The following PRDM15 variants were observed in gnomAD, a reference collection of about 807,000 sequenced individuals.
PRDM15 encodes the protein PR/SET domain 15.
PRDM15 carries 64 observed loss-of-function variants against 128.6 expected under a neutral mutation model. That is an observed-to-expected ratio of 0.50 (90% CI 0.41 to 0.61). The LOEUF (loss-of-function observed/expected upper bound fraction) is 0.61, where lower values mean the gene tolerates loss of function less well. Among genes scored for constraint, PRDM15 ranks in the 20% least tolerant of loss-of-function variants. The probability of loss-of-function intolerance (pLI) is 0.00; values close to 1 mark genes in which losing one functional copy is unlikely to be tolerated. For missense variants in PRDM15, 1,242 were observed against 1,569.1 expected (o/e 0.79, Z 3.52); for synonymous variants, 615 against 621.8 (o/e 0.99, Z 0.16).
At chr21:41,842,027 G>A (rs2063088451) in intron 6 of PRDM15, among the ~76,000 whole-genome samples, 1 of 152,160 alleles carries the variant, frequency 6.6e-6, no homozygotes, top group African/African-American at 2.4e-5. Context: ...AAAGTAATGA[G>A]TTAAGCATCC....
In PRDM15 at chr21:41,870,715, A is replaced by C. The variant is rs565476082; in HGVS notation, c.-10+8555T>G. ...TGTGTTCTGTCCAGCAGGTGCCCGA[A>C]TTTATTTGGGCAAAGAGCACCTTTT... On this transcript the variant is annotated intron_variant, in intron 1 of 23. Coordinates refer to ENST00000398548, the MANE Select transcript of PRDM15 (RefSeq NM_001040424.3). 3 of 152,316 alleles carry C rather than the reference A, an allele frequency of 2.0e-5. No individual in the cohort carries two copies. The South Asian group carries it at 6.2e-4, about 32-fold the overall frequency. 9.4% of individuals were successfully genotyped at this position (152,316 alleles called of 1,614,324 possible).
chr21:41,867,558 C>T lies in PRDM15; in HGVS notation c.-9-7186G>A, dbSNP rs571476855. Reference sequence around the variant, plus strand: ...TCCTGGGCACAAGCGACCCTCCTGCCGCAGCCTCCGCATAGCTGGGAGTAC... The same window carrying T: ...TCCTGGGCACAAGCGACCCTCCTGCTGCAGCCTCCGCATAGCTGGGAGTAC... On this transcript the variant is annotated intron_variant, in intron 1 of 23. Coordinates refer to ENST00000398548, the MANE Select transcript of PRDM15 (RefSeq NM_001040424.3). 7.2e-5 allele frequency among the ~76,000 whole-genome samples: 11 copies of T among 152,298 alleles called. 1 individual carries two copies. Among genetic ancestry groups the T allele is most frequent in the Middle Eastern group, 3.4e-3 (1 of 294 alleles).
chr21:41,823,861 T>C (rs2062373331), intron 13 of PRDM15, among the ~76,000 whole-genome samples: 1 of 152,254 alleles, frequency 6.6e-6, no homozygotes. Context: ...CTGTGTTTAA[T>C]GCACATTCCC....
At position 41,859,106 on chromosome 21, in the gene PRDM15, C is replaced by T. The variant is rs145687812; in HGVS notation, c.131+486G>A. Reference sequence around the variant, plus strand: ...GCAGGGCAGCTGCTGCCCACTGAGCCGCCTCACCAGGCCTGCAGGGACTGC... The same window carrying T: ...GCAGGGCAGCTGCTGCCCACTGAGCTGCCTCACCAGGCCTGCAGGGACTGC... On this transcript the variant is annotated intron_variant, in intron 3 of 23. Coordinates refer to ENST00000398548, the MANE Select transcript of PRDM15 (RefSeq NM_001040424.3). This position sits in a 1 kb window ranked among gnomAD's most constrained non-coding sequence, Gnocchi z 5.3. The T allele has an allele frequency of 1.7e-5, 27 of 1,601,010 alleles. No homozygotes were observed. Among genetic ancestry groups the T allele is most frequent in the Middle Eastern group, 1.7e-4 (1 of 5,942 alleles).
intron 22 of PRDM15, chr21:41,803,175 T>C (rs568015877): frequency 1.1e-5 from 6 of 536,604 alleles, no homozygotes; most frequent in African/African-American, 1.9e-5. Context: ...TATGCTAAAA[T>C]GTAAACACTT....
At chr21:41,851,570 C>T (rs931749781) in intron 5 of PRDM15, among the ~76,000 whole-genome samples, 2 of 152,046 alleles carry the variant, frequency 1.3e-5, no homozygotes, top group African/African-American at 4.8e-5. Context: ...GTGGCGGGGG[C>T]GCTGACGCGG....
rs568665370 is a variant in PRDM15 at position 41,847,162 on chromosome 21, C to T, written c.568G>A (p.Val190Met). 45 of 1,553,894 alleles carry T rather than the reference C, an allele frequency of 2.9e-5. No individual in the cohort carries two copies. Among genetic ancestry groups the T allele is most frequent in the South Asian group, 1.1e-4 (9 of 84,212 alleles). ...GCCCACTGGCTGGGCTCCGACTCCA[C>T]GGGGGCGCTGTTTTCTGGGGTGCCT... is the stretch of plus-strand genomic sequence containing the variant. ...AAGTPENSAP[V>M]ESEPSQWACK... The change falls in exon 6 of 24, where the codon GTG becomes ATG. Residue 190 changes from valine to methionine, a missense_variant. Physicochemically the swap from Val to Met is conservative, Grantham distance 21 (BLOSUM62 1). Around this residue, in one of 3 missense-constraint regions of PRDM15, gnomAD observed 612 missense variants for 717.0 expected, o/e 0.85. Transcript: ENST00000398548.
chr21:41,861,832 C>T, intron 1 of PRDM15: 4 of 1,580,890 alleles, frequency 2.5e-6, no homozygotes, highest in Non-Finnish European at 3.5e-6. Context: ...AAAGAGAGTT[C>T]CAATTTGCCC....
Position 41,859,018 on chromosome 21 carries a change from T to C in PRDM15, c.131+574A>G. 1.3e-6 allele frequency: 2 copies of C among 1,543,594 alleles called. No homozygotes were observed. Among genetic ancestry groups the C allele is most frequent in the Non-Finnish European group, 1.8e-6 (2 of 1,142,002 alleles). On this transcript the variant is annotated intron_variant, in intron 3 of 23. Coordinates refer to ENST00000398548, the MANE Select transcript of PRDM15 (RefSeq NM_001040424.3). The surrounding 1 kb of genome is among the most constrained non-coding windows in gnomAD (Gnocchi z 5.3). ...CACCGAGGTCCGGAGAGGAGTGCCTTGTCCAAGCTCACCTGCCCTGGGCCA... is the reference window on the plus strand; with the variant it reads ...CACCGAGGTCCGGAGAGGAGTGCCTCGTCCAAGCTCACCTGCCCTGGGCCA...
intron 11 of PRDM15, among the ~76,000 whole-genome samples, chr21:41,831,016 TCCTC>T (rs1238412238): frequency 6.6e-6 from 1 of 152,208 alleles, no homozygotes; most frequent in African/African-American, 2.4e-5. Context: ...AGCTGCATTC[TCCTC>T]CCTGTGTCGC....
rs1568880158 is a variant in PRDM15, at chr21:41,806,054, CCACCAT to C, written c.2653-1446_2653-1441del. Among the ~76,000 whole-genome samples the C allele has an allele frequency of 6.9e-3, 479 of 69,656 alleles. 13 individuals are homozygous for C. The highest frequency in any genetic ancestry group is 0.027 in the African/African-American group (436 of 16,060). The allele number at this position is 69,656 out of a possible 152,430, so 45.7% of individuals were successfully genotyped here. A position where few individuals can be genotyped will look rare whatever the true frequency, so the allele number is the denominator to read the frequency against. On this transcript the variant is annotated intron_variant, in intron 21 of 23. Transcript: ENST00000398548. ...ACCATCACCACCACCATCACCACCACCACCATCACCATCACCACCACCATCACCACC... is the reference window on the plus strand; with the variant it reads ...ACCATCACCACCACCATCACCACCACCACCATCACCACCACCATCACCACC...
rs752147187 is a variant in PRDM15 at position 41,823,138 on chromosome 21, G to A, written c.1761+180C>T. The A allele has an allele frequency of 9.0e-6, 7 of 779,930 alleles. No homozygotes were observed. In the East Asian group the frequency reaches 1.4e-4, roughly 16 times the overall value. 48.3% of individuals were successfully genotyped at this position (779,930 alleles called of 1,614,324 possible). A position where few individuals can be genotyped will look rare whatever the true frequency, so the allele number is the denominator to read the frequency against. ...AGGCGCCGTCTACGAACCAGGAAGTGAGCCTCGCCAGACACCGAATCTATG... is the reference window on the plus strand; with the variant it reads ...AGGCGCCGTCTACGAACCAGGAAGTAAGCCTCGCCAGACACCGAATCTATG... On this transcript the variant is annotated intron_variant, in intron 14 of 23. Transcript: ENST00000398548.
intron 21 of PRDM15, among the ~76,000 whole-genome samples, chr21:41,807,263 C>CAT (rs1441109205): frequency 6.6e-6 from 1 of 152,140 alleles, no homozygotes; most frequent in African/African-American, 2.4e-5. Context: ...AGAGAAAAAC[C>CAT]ATAGCTTGGA....
intron 9 of PRDM15, 29 bp downstream of exon 9, chr21:41,836,439 C>T (rs529421658): frequency 6.3e-6 from 10 of 1,593,708 alleles, no homozygotes; most frequent in South Asian, 2.2e-5. Context: ...GCCCTGGCCC[C>T]GGGCGCCAGC....
At chr21:41,870,300 G>T (rs1310430663) in intron 1 of PRDM15, among the ~76,000 whole-genome samples, 1 of 152,062 alleles carries the variant, frequency 6.6e-6, no homozygotes, top group Non-Finnish European at 1.5e-5. Flanking sequence ...CTAAGCCTTA[G>T]CAATCCAGTG....
intron 1 of PRDM15, among the ~76,000 whole-genome samples, chr21:41,866,027 C>T (rs935516742): frequency 3.9e-4 from 60 of 152,262 alleles, no homozygotes; most frequent in African/African-American, 1.4e-3. Flanking sequence ...AGGTATGAGA[C>T]CCCACGCCCA....
chr21:41,838,148 G>A, intron 7 of PRDM15, 85 bp from the exon 8 acceptor site: 1 of 1,454,044 alleles, frequency 6.9e-7, no homozygotes, highest in Non-Finnish European at 9.5e-7. Context: ...CTGCCCCATG[G>A]GAACCACAGC....
At chr21:41,844,850 G>A (rs1243456462) in intron 6 of PRDM15, among the ~76,000 whole-genome samples, 2 of 7,044 alleles carry the variant, frequency 2.8e-4, no homozygotes, top group African/African-American at 1.4e-3. Flanking sequence ...CCCCTCACAG[G>A]GACACACAGC....
In PRDM15 at chr21:41,821,301, G is replaced by A. The variant is rs1000664066; in HGVS notation, c.1897-71C>T. On this transcript the variant is annotated intron_variant, in intron 15 of 23. Transcript: ENST00000398548. The surrounding 1 kb of genome is among the most constrained non-coding windows in gnomAD (Gnocchi z 5.4). Reference sequence around the variant, plus strand: ...CCTGGTCCTCTTAGCTAATGAGGTCGTGTCCACAAACCAGGGCACCCGACA... The same window carrying A: ...CCTGGTCCTCTTAGCTAATGAGGTCATGTCCACAAACCAGGGCACCCGACA... The A allele has an allele frequency of 5.5e-5, 86 of 1,575,292 alleles. 1 individual carries two copies. Among genetic ancestry groups the A allele is most frequent in the African/African-American group, 9.4e-5 (7 of 74,180 alleles).
Sources: gnomAD v4.1 joint callset for allele counts (sites outside exome capture counted in the v4.1 genomes callset) on GRCh38, gnomAD v4.1.1 for gene constraint, gnomAD v4.1.1 regional missense constraint, Gnocchi (gnomAD v3.1) non-coding constraint, MANE v1.5 for transcripts, NCBI Gene and HGNC (gene_info 2026-07-23, HGNC 2026-07-21) for gene names.